PGGHG: variants seen among roughly 807,000 people sequenced by gnomAD.
PGGHG encodes the protein ATH1, acid trehalase-like 1.
A neutral mutation model predicts 74.5 loss-of-function variants in PGGHG; 67 were observed. The ratio of observed to expected loss-of-function variants is 0.90; its 90% CI spans 0.74 to 1.10. The LOEUF (loss-of-function observed/expected upper bound fraction) is 1.10, where lower values mean the gene tolerates loss of function less well. Ranked by LOEUF, PGGHG falls within the 50% of genes least tolerant of loss-of-function variation. PGGHG has a pLI of 0.00. For missense variants in PGGHG, 1,034 were observed against 981.5 expected (o/e 1.05, Z -0.72); for synonymous variants, 496 against 419.9 (o/e 1.18, Z -2.21).
In PGGHG at chr11:293,940, A is replaced by G. The variant is rs1590290802; in HGVS notation, c.1710+15A>G. ...AACCCTTCAAGGTCAGCCTGGCCAC[A>G]CCTGCCTCCCACTGGGCCCCTTGTG... On this transcript the variant is annotated intron_variant, in intron 11 of 13. Coordinates refer to ENST00000409548, the MANE Select transcript of PGGHG (RefSeq NM_025092.5). 1.9e-6 allele frequency: 3 copies of G among 1,607,306 alleles called. No individual in the cohort carries two copies. Among genetic ancestry groups the G allele is most frequent in the Non-Finnish European group, 2.5e-6 (3 of 1,177,168 alleles).
chr11:292,290 G>T (rs1211805399), intron 5 of PGGHG, among the ~76,000 whole-genome samples, 195 bp downstream of exon 5: 2 of 152,154 alleles, frequency 1.3e-5, no homozygotes, highest in African/African-American at 4.8e-5. Flanking sequence ...GGGAACCGCA[G>T]CGGGCTGGGA....
chr11:290,329 A>G, intron 2 of PGGHG, 61 bp from the exon 3 acceptor site: 2 of 1,493,842 alleles, frequency 1.3e-6, no homozygotes, highest in Non-Finnish European at 1.8e-6. Context: ...CGGGTGGTCC[A>G]CTCCTGCCCC....
rs1443148501 is a variant in PGGHG, at chr11:292,925, G to A, written c.1198G>A (p.Val400Ile). ...LFREAGGWDV[V>I]RAVAEFWCSR... ...TCGAGAGGCTGGTGGCTGGGACGTG[G>A]TCAGGGCTGTGGCCGAGTTTTGGTG... Residue 400 changes from valine (V) to isoleucine (I), a missense_variant, in exon 7 of 14, where the codon GTC becomes ATC. Val to Ile is a conservative substitution (Grantham distance 29). Coordinates refer to ENST00000409548, the MANE Select transcript of PGGHG (RefSeq NM_025092.5). 6.2e-7 allele frequency: 1 copy of A among 1,614,136 alleles called. No homozygotes were observed. Among genetic ancestry groups the A allele is most frequent in the Admixed American group, 1.7e-5 (1 of 60,016 alleles).
intron 4 of PGGHG, 82 bp downstream of exon 4, chr11:291,195 C>A: frequency 3.4e-6 from 5 of 1,454,192 alleles, no homozygotes; most frequent in Non-Finnish European, 4.6e-6. Flanking sequence ...GGGACCAGGG[C>A]TATGGTTGGG....
At position 294,701 on chromosome 11, in the gene PGGHG, T is replaced by A. The variant is rs1227679540; in HGVS notation, c.2166T>A (p.Gly722=). The A allele has an allele frequency of 6.2e-7, 1 of 1,612,948 alleles. No homozygotes were observed. The highest frequency in any genetic ancestry group is 8.5e-7 in the Non-Finnish European group (1 of 1,179,684). ...AGAGCCCCCTCTGGGTCACCCTGGG[T>A]TCCTCCAGCCCCACCGAGTCACTCA... The part of the protein sequence containing the change: ...PLQSPLWVTL[G]SSSPTESLTV... The change falls in exon 14 of 14, where the codon GGT becomes GGA. Residue 722 remains glycine (G), a synonymous_variant. Coordinates refer to ENST00000409548, the MANE Select transcript of PGGHG (RefSeq NM_025092.5).
chr11:290,056 C>T lies in PGGHG; in HGVS notation c.240C>T (p.Phe80=), dbSNP rs781504166. ...TGGGGGAGCAGCTGACCGAGACCTT[C>T]GCCCTGGACACCAACACAGGTAGCG... is the stretch of plus-strand genomic sequence containing the variant. ...AGMGEQLTET[F]ALDTNTGSFL... Residue 80 remains phenylalanine, a synonymous_variant, in exon 2 of 14, where the codon TTC becomes TTT. Coordinates refer to ENST00000409548, the MANE Select transcript of PGGHG (RefSeq NM_025092.5). 6.5e-6 allele frequency: 10 copies of T among 1,536,630 alleles called. No homozygotes were observed. The highest frequency in any genetic ancestry group is 2.0e-5 in the Admixed American group (1 of 50,748).
In PGGHG at chr11:290,743, T is replaced by C. The variant is rs1446485469; in HGVS notation, c.536T>C (p.Leu179Pro). 6.2e-7 allele frequency: 1 copy of C among 1,610,478 alleles called. No homozygotes were observed. The highest frequency in any genetic ancestry group is 8.5e-7 in the Non-Finnish European group (1 of 1,178,472). ...GGGCCACAGCAAGAGGTACACATGC[T>C]GTGGACACCAGCACCCCCAGACCTG... is the stretch of plus-strand genomic sequence containing the variant. ...PGGPQQEVHMLWTPAPPDLTL... is the reference protein window; with the variant it reads ...PGGPQQEVHMPWTPAPPDLTL... Residue 179 changes from leucine (L) to proline (P), a missense_variant, in exon 4 of 14, where the codon CTG becomes CCG. By Grantham distance (98) the Leu-to-Pro change is moderately conservative. Coordinates refer to ENST00000409548, the MANE Select transcript of PGGHG (RefSeq NM_025092.5).
At position 294,410 on chromosome 11, in the gene PGGHG, C is replaced by T; in HGVS notation, c.1952C>T (p.Ala651Val). The change falls in exon 13 of 14, where the codon GCA (alanine) becomes GTA (valine). Residue 651 changes from alanine to valine, a missense_variant. Transcript: ENST00000409548. ...DSVTVEVTAR[A>V]GPWAPHLEAE... The stretch of plus-strand genomic sequence containing the variant: ...GTGACCGTGGAGGTCACAGCTCGAG[C>T]AGGGCCCTGGGCTCCTCACCTGGAG... 1 of 1,592,104 alleles carries T rather than the reference C, an allele frequency of 6.3e-7. No homozygotes were observed. The highest frequency in any genetic ancestry group is 8.6e-7 in the Non-Finnish European group (1 of 1,168,836).
At chr11:290,336 C>A in intron 2 of PGGHG, 54 bp from the exon 3 acceptor site, 1 of 1,506,202 alleles carries the variant, frequency 6.6e-7, no homozygotes, top group Non-Finnish European at 8.9e-7. Flanking sequence ...TCCACTCCTG[C>A]CCCAGAGAGG....
In PGGHG at chr11:290,314, G is replaced by A. The variant is rs929037546; in HGVS notation, c.260-76G>A. 30 of 1,446,194 alleles carry A rather than the reference G, an allele frequency of 2.1e-5. No homozygotes were observed. The African/African-American group carries it at 3.9e-4, about 19-fold the overall frequency. 89.6% of individuals were successfully genotyped at this position (1,446,194 alleles called of 1,614,324 possible). Reference sequence around the variant, plus strand: ...ATCCGCCTCATTGTGGGGAGAGGCAGCGGTCGGGTGGTCCACTCCTGCCCC... The same window carrying A: ...ATCCGCCTCATTGTGGGGAGAGGCAACGGTCGGGTGGTCCACTCCTGCCCC... On this transcript the variant is annotated intron_variant, in intron 2 of 13. Coordinates refer to ENST00000409548, the MANE Select transcript of PGGHG (RefSeq NM_025092.5).
At position 293,430 on chromosome 11, in the gene PGGHG, G is replaced by A; in HGVS notation, c.1408G>A (p.Val470Met). 2.5e-6 allele frequency: 4 copies of A among 1,612,456 alleles called. No homozygotes were observed. The highest frequency in any genetic ancestry group is 2.5e-6 in the Non-Finnish European group (3 of 1,179,994). ...TCCCATCCCCAGCCAGTGGCTGGCG[G>A]TGGCTGACAAGATCAAGGTACCCTT... ...GLPIPSQWLA[V>M]ADKIKVPFDV... is the part of the protein sequence containing the mutation. The change falls in exon 9 of 14, where the codon GTG becomes ATG. Residue 470 changes from valine to methionine, a missense_variant. Transcript: ENST00000409548.
In PGGHG at chr11:290,787, G is replaced by A. The variant is rs1314873946; in HGVS notation, c.580G>A (p.Glu194Lys). The change falls in exon 4 of 14, where the codon GAG (glutamate) becomes AAG (lysine). Residue 194 changes from glutamate (E) to lysine (K), a missense_variant. Physicochemically the swap from Glu to Lys is moderately conservative, Grantham distance 56 (BLOSUM62 1). Transcript: ENST00000409548. ...AGACCTGACCCTTGGGGAAGGTGAG[G>A]AGGCTAGGACGTGGGACTTCCTGAC... Reference protein sequence around the residue: ...PPDLTLGEGEEARTWDFLTAV... With the variant: ...PPDLTLGEGEKARTWDFLTAV... 6 of 1,612,592 alleles carry A rather than the reference G, an allele frequency of 3.7e-6. No homozygotes were observed. The African/African-American group carries it at 5.3e-5, about 14-fold the overall frequency.
rs1351632524 is a variant in PGGHG, at chr11:290,789, G to C, written c.582G>C (p.Glu194Asp). The change falls in exon 4 of 14, where the codon GAG becomes GAC. Residue 194 changes from glutamate to aspartate, a missense_variant. Transcript: ENST00000409548. ...ACCTGACCCTTGGGGAAGGTGAGGA[G>C]GCTAGGACGTGGGACTTCCTGACAG... ...PPDLTLGEGE[E>D]ARTWDFLTAV... 1 of 1,612,656 alleles carries C rather than the reference G, an allele frequency of 6.2e-7. No individual in the cohort carries two copies. The highest frequency in any genetic ancestry group is 2.2e-5 in the East Asian group (1 of 44,898).
chr11:290,196 G>C, intron 2 of PGGHG, 121 bp downstream of exon 2: 1 of 1,400,602 alleles, frequency 7.1e-7, no homozygotes, highest in East Asian at 2.5e-5. Context: ...ACTAAGACAG[G>C]AGGCCCCAGA....
In PGGHG at chr11:292,052, C is replaced by A; in HGVS notation, c.983C>A (p.Thr328Lys). The part of the protein sequence containing the change: ...ARAILEYRIR[T>K]LDGALENAQN... ...GCCATCCTGGAGTACCGCATCCGCACGCTGGACGGGGCCCTGGAGAACGCC... is the reference window on the plus strand; with the variant it reads ...GCCATCCTGGAGTACCGCATCCGCAAGCTGGACGGGGCCCTGGAGAACGCC... The change falls in exon 5 of 14, where the codon ACG becomes AAG. Residue 328 changes from threonine to lysine, a missense_variant. Transcript: ENST00000409548. 1 of 1,593,374 alleles carries A rather than the reference C, an allele frequency of 6.3e-7. No individual in the cohort carries two copies.
chr11:293,588 C>A lies in PGGHG; in HGVS notation c.1481-6C>A. The A allele has an allele frequency of 3.1e-6, 5 of 1,613,498 alleles. No homozygotes were observed. In the South Asian group the frequency reaches 4.4e-5, roughly 14 times the overall value. Reference sequence around the variant, plus strand: ...ACACCTTCCAGTCAGCGGCACCTCCCTGTAGGAGAGGTGGTGAAGCAGGCA... The same window carrying A: ...ACACCTTCCAGTCAGCGGCACCTCCATGTAGGAGAGGTGGTGAAGCAGGCA... On this transcript the variant is annotated splice_polypyrimidine_tract_variant and splice_region_variant and intron_variant, in intron 9 of 13. Transcript: ENST00000409548.
chr11:294,903 T>A lies in PGGHG; in HGVS notation c.*154T>A. 2 of 958,988 alleles carry A rather than the reference T, an allele frequency of 2.1e-6. No homozygotes were observed. Among genetic ancestry groups the A allele is most frequent in the Non-Finnish European group, 3.0e-6 (2 of 672,346 alleles). 59.4% of individuals were successfully genotyped at this position (958,988 alleles called of 1,614,324 possible). On this transcript the variant is annotated 3_prime_UTR_variant, in exon 14 of 14. Transcript: ENST00000409548. ...TGCTTGGCCTGAGTTCAAGGCTTTC[T>A]GCCTGTAGCCTGGACTCCCGTGGAC...
In PGGHG at chr11:294,944, G is replaced by A; in HGVS notation, c.*195G>A. ...TCCCGTGGACCCCCGTGGGCAGGTGGCTTCCCCGTGGCATCTCCACACCGC... is the reference window on the plus strand; with the variant it reads ...TCCCGTGGACCCCCGTGGGCAGGTGACTTCCCCGTGGCATCTCCACACCGC... On this transcript the variant is annotated 3_prime_UTR_variant, in exon 14 of 14. Transcript: ENST00000409548. 1 of 607,160 alleles carries A rather than the reference G, an allele frequency of 1.6e-6. No individual in the cohort carries two copies. Among genetic ancestry groups the A allele is most frequent in the Non-Finnish European group, 2.7e-6 (1 of 371,774 alleles). The allele number at this position is 607,160 out of a possible 1,614,324, so 37.6% of individuals were successfully genotyped here.
intron 5 of PGGHG, among the ~76,000 whole-genome samples, 192 bp downstream of exon 5, chr11:292,287 G>A (rs1028237703): frequency 4.6e-5 from 7 of 151,994 alleles, no homozygotes; most frequent in East Asian, 3.9e-4. Flanking sequence ...GGTGGGAACC[G>A]CAGCGGGCTG....
Sources: gnomAD v4.1 joint callset for allele counts (sites outside exome capture counted in the v4.1 genomes callset) on GRCh38, gnomAD v4.1.1 for gene constraint, MANE v1.5 for transcripts, NCBI Gene and HGNC (gene_info 2026-07-23, HGNC 2026-07-21) for gene names.